The following HFM1 variants were observed in gnomAD, a reference collection of about 807,000 sequenced individuals.
HFM1 encodes the protein probable ATP-dependent DNA helicase HFM1.
In HFM1, 169 loss-of-function variants were observed where a neutral mutation model predicts 192.1. The ratio of observed to expected loss-of-function variants is 0.88; its 90% CI spans 0.78 to 1.00. The LOEUF (loss-of-function observed/expected upper bound fraction) is 1.00, where lower values mean the gene tolerates loss of function less well. Ranked by LOEUF, HFM1 falls within the 50% of genes least tolerant of loss-of-function variation. The pLI is 0.00. For synonymous variants in HFM1, 525 were observed against 537.8 expected (o/e 0.98, Z 0.33); for missense variants, 1,661 against 1,668.0 (o/e 1.00, Z 0.07).
chr1:91,353,151 AT>A lies in HFM1; in HGVS notation c.1730del (p.Asp577ValfsTer3), dbSNP rs753273472. 2 of 1,602,794 alleles carry A rather than the reference AT, an allele frequency of 1.2e-6. No homozygotes were observed. The highest frequency in any genetic ancestry group is 1.7e-6 in the Non-Finnish European group (2 of 1,170,738). ...AYSVRDSKLRDILKDGAAYHH... is the reference protein window; with the variant it reads ...AYSVRDSKLRXILKDGAAYHH... ...GATAAGCAGCACCATCTTTTAAGAT[AT>A]CTGTAATAGAAATATATCAGCTGTT... On this transcript the variant is annotated frameshift_variant and splice_region_variant, in exon 15 of 39. Transcript: ENST00000370425. LOFTEE classifies it high-confidence loss of function.
intron 32 of HFM1, 51 bp downstream of exon 32, chr1:91,276,577 T>C: frequency 1.2e-6 from 1 of 848,218 alleles, no homozygotes. Flanking sequence ...ACAAAGAATA[T>C]TTATATACGT....
At chr1:91,293,279 G>A (rs1043254000) in intron 30 of HFM1, among the ~76,000 whole-genome samples, 2 of 151,886 alleles carry the variant, frequency 1.3e-5, no homozygotes, top group Admixed American at 6.6e-5. Flanking sequence ...TACAGAATGG[G>A]AGAAAATTTT....
At position 91,315,875 on chromosome 1, in the gene HFM1, T is replaced by A; in HGVS notation, c.3080A>T (p.His1027Leu). The A allele has an allele frequency of 6.2e-7, 1 of 1,610,518 alleles. No homozygotes were observed. The change falls in exon 28 of 39, where the codon CAC (histidine) becomes CTC (leucine). Residue 1027 changes from histidine to leucine, a missense_variant. His to Leu is a moderately conservative substitution (Grantham distance 99). Transcript: ENST00000370425. Reference protein sequence around the residue: ...LQTKRTASDSHYVTLIIGDAD... With the variant: ...LQTKRTASDSLYVTLIIGDAD... ...GTCACCTATGATTAAGGTAACATAG[T>A]GAGAATCCGATGCTGTTCTTTTAGT...
At position 91,385,580 on chromosome 1, in the gene HFM1, A is replaced by G. The variant is rs372526987; in HGVS notation, c.749T>C (p.Ile250Thr). ...SFSVAFQPHD[I>T]QEVTENGLGS... Reference sequence around the variant, plus strand: ...CTGAAAAAGCAAGAAATTACCTTGAATATCATGAGGTTGGAAAGCAACTGA... The same window carrying G: ...CTGAAAAAGCAAGAAATTACCTTGAGTATCATGAGGTTGGAAAGCAACTGA... The change falls in exon 5 of 39, where the codon ATT becomes ACT. Residue 250 changes from isoleucine (I) to threonine (T), a missense_variant. Transcript: ENST00000370425. 6.2e-6 allele frequency: 10 copies of G among 1,609,800 alleles called. No individual in the cohort carries two copies. The highest frequency in any genetic ancestry group is 8.5e-6 in the Non-Finnish European group (10 of 1,177,156).
chr1:91,381,125 G>C, intron 6 of HFM1, 143 bp from the exon 7 acceptor site: 1 of 563,498 alleles, frequency 1.8e-6, no homozygotes, highest in South Asian at 2.2e-5. Flanking sequence ...CTTAGGAAAA[G>C]AATTATCATA....
At chr1:91,299,781 A>G (rs1048242356) in intron 30 of HFM1, among the ~76,000 whole-genome samples, 5 of 152,198 alleles carry the variant, frequency 3.3e-5, no homozygotes, top group African/African-American at 1.2e-4. Flanking sequence ...ACACATTCAA[A>G]GCAGTGTGTA....
rs773017020 is a variant in HFM1, at chr1:91,378,385, A to G, written c.1236+18T>C. 1 of 1,537,792 alleles carries G rather than the reference A, an allele frequency of 6.5e-7. No homozygotes were observed. The highest frequency in any genetic ancestry group is 9.0e-7 in the Non-Finnish European group (1 of 1,115,434). On this transcript the variant is annotated intron_variant, in intron 10 of 38. Transcript: ENST00000370425. Reference sequence around the variant, plus strand: ...TTATCCTTTTATGTTTATCTCTGAAAGCGAATGCATTCATTACCTCATCAA... The same window carrying G: ...TTATCCTTTTATGTTTATCTCTGAAGGCGAATGCATTCATTACCTCATCAA...
intron 13 of HFM1, among the ~76,000 whole-genome samples, chr1:91,371,405 T>C (rs1426960486): frequency 8.3e-6 from 1 of 120,630 alleles, no homozygotes; most frequent in Non-Finnish European, 1.7e-5. Context: ...TATAGACCAA[T>C]GGAACAGAAC....
At position 91,353,652 on chromosome 1, in the gene HFM1, C is replaced by CCAAAA. The variant is rs1553213573; in HGVS notation, c.1686-354_1686-353insTTTTG. Reference sequence around the variant, plus strand: ...AACTACTATATTACTAGTAAATAAGCAAAAAAAAAAAAAAAAAAAACATGG... The same window carrying CCAAAA: ...AACTACTATATTACTAGTAAATAAGCCAAAAAAAAAAAAAAAAAAAAAAAACATGG... On this transcript the variant is annotated intron_variant, in intron 13 of 38. Coordinates refer to ENST00000370425, the MANE Select transcript of HFM1 (RefSeq NM_001017975.6). Among the ~76,000 whole-genome samples the CCAAAA allele has an allele frequency of 1.1e-4, 7 of 65,438 alleles. 1 individual carries two copies. Among genetic ancestry groups the CCAAAA allele is most frequent in the African/African-American group, 2.0e-4 (4 of 19,618 alleles). The allele number at this position is 65,438 out of a possible 152,430, so 42.9% of individuals were successfully genotyped here. A position where few individuals can be genotyped will look rare whatever the true frequency, so the allele number is the denominator to read the frequency against.
chr1:91,280,465 T>C (rs545933385), intron 30 of HFM1, among the ~76,000 whole-genome samples: 17 of 152,334 alleles, frequency 1.1e-4, no homozygotes, highest in African/African-American at 3.8e-4. Flanking sequence ...TATCTCCATA[T>C]AGGCCATGTA....
At chr1:91,403,685 T>A (rs892500525) in intron 1 of HFM1, among the ~76,000 whole-genome samples, 1 of 152,224 alleles carries the variant, frequency 6.6e-6, no homozygotes, top group African/African-American at 2.4e-5. Context: ...CAGGTAGTTT[T>A]AAGTGTCTGC....
At chr1:91,300,789 G>A (rs367844623) in intron 30 of HFM1, among the ~76,000 whole-genome samples, 1 of 152,016 alleles carries the variant, frequency 6.6e-6, no homozygotes, top group African/African-American at 2.4e-5. Flanking sequence ...GTATCTCAAA[G>A]TAATAAGAGC....
At chr1:91,343,975 T>C (rs1049329763) in intron 19 of HFM1, among the ~76,000 whole-genome samples, 1 of 152,366 alleles carries the variant, frequency 6.6e-6, no homozygotes, top group East Asian at 1.9e-4. Flanking sequence ...ATCAAAGATA[T>C]ATTAATGTAT....
At chr1:91,407,232 A>G (rs1387994038), upstream of HFM1, among the ~76,000 whole-genome samples, 1 of 152,160 alleles carries the variant, frequency 6.6e-6, no homozygotes, top group Non-Finnish European at 1.5e-5. Context: ...GGGGAAGGAT[A>G]GCATTGGGAG....
chr1:91,261,638 G>A (rs1665167259), intron 38 of HFM1: 1 of 208,084 alleles, frequency 4.8e-6, no homozygotes, highest in Non-Finnish European at 9.5e-6. Flanking sequence ...TGGTCCAAGG[G>A]AAGTGTTGTT....
At chr1:91,385,987 T>C (rs774502095) in intron 4 of HFM1, among the ~76,000 whole-genome samples, 153 bp from the exon 5 acceptor site, 90 of 152,236 alleles carry the variant, frequency 5.9e-4, no homozygotes, top group Admixed American at 1.3e-3. Context: ...TATAACTTGC[T>C]AGTTTACCAC....
intron 30 of HFM1, among the ~76,000 whole-genome samples, chr1:91,305,878 T>G (rs1649530566): frequency 6.6e-6 from 1 of 152,158 alleles, no homozygotes; most frequent in South Asian, 2.1e-4. Context: ...CCCTTTTTGC[T>G]TTTTTAAAGT....
intron 30 of HFM1, among the ~76,000 whole-genome samples, 198 bp downstream of exon 30, chr1:91,313,151 T>C (rs1027978788): frequency 8.5e-5 from 13 of 152,082 alleles, no homozygotes; most frequent in Non-Finnish European, 1.6e-4. Flanking sequence ...AAAAAATTTG[T>C]CCCCCAACCA....
chr1:91,326,899 T>C (rs1410316382), intron 20 of HFM1, among the ~76,000 whole-genome samples: 3 of 152,218 alleles, frequency 2.0e-5, no homozygotes, highest in Admixed American at 6.5e-5. Flanking sequence ...CTATTAGTTT[T>C]CTTTTTACAT....
Sources: gnomAD v4.1 joint callset for allele counts (sites outside exome capture counted in the v4.1 genomes callset) on GRCh38, gnomAD v4.1.1 for gene constraint, MANE v1.5 for transcripts, NCBI Gene and HGNC (gene_info 2026-07-23, HGNC 2026-07-21) for gene names.